Variants in CHD6 observed in about 807,000 individuals in gnomAD.
The protein encoded by CHD6 is ATP-dependent chromatin remodeler CHD6.
Under a neutral mutation model 276.9 loss-of-function variants are expected in CHD6, and 50 were observed. That is an observed-to-expected ratio of 0.18 (90% confidence interval 0.14 to 0.23). CHD6 has a LOEUF of 0.23. CHD6 is among the 10% of genes least tolerant of loss of function. CHD6 has a pLI of 1.00. For synonymous variants in CHD6, 1,173 were observed against 1,229.3 expected, an observed-to-expected ratio of 0.95 and a Z score of 0.96; for missense variants, 2,564 against 3,365.8, an observed-to-expected ratio of 0.76 and a Z score of 5.89.
intron 27 of CHD6, among the ~76,000 whole-genome samples, chr20:41,431,962 C>G (rs781590582): frequency 1.3e-5 from 2 of 151,752 alleles, no homozygotes; most frequent in Non-Finnish European, 2.9e-5. Context: ...AGTTCGAGAC[C>G]AGCCTGGCCA....
chr20:41,590,430 C>T (rs6102485), intron 1 of CHD6, among the ~76,000 whole-genome samples: 58,104 of 151,882 alleles, frequency 0.38, 13,810 homozygotes, highest in African/African-American at 0.65. Context: ...AACAGGCACC[C>T]ACAGAATGGG....
intron 3 of CHD6, among the ~76,000 whole-genome samples, chr20:41,520,332 A>C (rs983429375): frequency 1.3e-5 from 2 of 152,202 alleles, no homozygotes; most frequent in Non-Finnish European, 2.9e-5. Context: ...TATATATCCA[A>C]AGGATTATAA....
intron 1 of CHD6, among the ~76,000 whole-genome samples, chr20:41,605,277 G>C (rs1476211918): frequency 2.0e-5 from 3 of 152,176 alleles, no homozygotes; most frequent in Non-Finnish European, 4.4e-5. Flanking sequence ...TACTTTTCAA[G>C]ATAGAAAGGA....
chr20:41,502,721 T>C (rs1177219472), intron 5 of CHD6, among the ~76,000 whole-genome samples: 2 of 152,212 alleles, frequency 1.3e-5, no homozygotes, highest in African/African-American at 2.4e-5. Context: ...AATAACCATA[T>C]GTGGCTGGGC....
rs377588953 is a variant in CHD6, at chr20:41,481,112, GA to G, written c.2468+2196del. Among the ~76,000 whole-genome samples the G allele has an allele frequency of 3.9e-4, 58 of 147,602 alleles. 1 individual carries two copies. Among genetic ancestry groups the G allele is most frequent in the African/African-American group, 1.4e-3 (55 of 40,394 alleles). On this transcript the variant is annotated intron_variant, in intron 16 of 36. Coordinates refer to ENST00000373233, the MANE Select transcript of CHD6 (RefSeq NM_032221.5). ...AGAGCGAGACATTGTCTCAGAAAAAGAAAAAAAAATATATATATATATACAC... is the reference window on the plus strand; with the variant it reads ...AGAGCGAGACATTGTCTCAGAAAAAGAAAAAAAATATATATATATATACAC...
In CHD6 at chr20:41,440,007, G is replaced by C. The variant is rs1290710112; in HGVS notation, c.4000C>G (p.Pro1334Ala). The C allele has an allele frequency of 1.2e-6, 2 of 1,613,980 alleles. No individual in the cohort carries two copies. Among genetic ancestry groups the C allele is most frequent in the Non-Finnish European group, 1.7e-6 (2 of 1,179,928 alleles). The change falls in exon 26 of 37, where the codon CCT (proline) becomes GCT (alanine). Residue 1334 changes from proline (P) to alanine (A), a missense_variant. Physicochemically the swap from Pro to Ala is conservative, Grantham distance 27. Transcript: ENST00000373233. ...QGVTDGTSDIPERGNTDKEDN... is the reference protein window; with the variant it reads ...QGVTDGTSDIAERGNTDKEDN... The stretch of plus-strand genomic sequence containing the variant: ...GCCTACGTGGCTTCTCACCTTTCAG[G>C]AATGTCTGAGGTCCCATCTGTAACA...
In CHD6 at chr20:41,402,389, T is replaced by C. The variant is rs2046560128; in HGVS notation, c.*2204A>G. 3 of 229,274 alleles carry C rather than the reference T, an allele frequency of 1.3e-5. No homozygotes were observed. The highest frequency in any genetic ancestry group is 2.6e-5 in the Non-Finnish European group (3 of 115,716). 14.2% of individuals were successfully genotyped at this position (229,274 alleles called of 1,614,324 possible). On this transcript the variant is annotated 3_prime_UTR_variant, in exon 37 of 37. Transcript: ENST00000373233. ...AACACCCAGAGAGTTAACATACAGATTCCATAAGGATAACAAGGGATTGAG... is the reference window on the plus strand; with the variant it reads ...AACACCCAGAGAGTTAACATACAGACTCCATAAGGATAACAAGGGATTGAG...
chr20:41,566,047 G>A (rs1601148619), intron 1 of CHD6, among the ~76,000 whole-genome samples: 1 of 152,086 alleles, frequency 6.6e-6, no homozygotes, highest in East Asian at 1.9e-4. Context: ...TGACTCTGCT[G>A]ACATCCATGA....
intron 1 of CHD6, among the ~76,000 whole-genome samples, chr20:41,571,786 G>T (rs2045420242): frequency 6.6e-6 from 1 of 151,528 alleles, no homozygotes; most frequent in Non-Finnish European, 1.5e-5. Context: ...TTTTGAATCA[G>T]GTTACACCAT....
chr20:41,421,844 G>A lies in CHD6; in HGVS notation c.4791C>T (p.Asp1597=). 1 of 1,614,198 alleles carries A rather than the reference G, an allele frequency of 6.2e-7. No homozygotes were observed. Among genetic ancestry groups the A allele is most frequent in the Non-Finnish European group, 8.5e-7 (1 of 1,180,034 alleles). ...GCTGGGGGTCGTTCATGATGTAACA[G>A]TCAGTGCGGTTCAGCCCATGTTTGG... ...GTAKHGLNRT[D]CYIMNDPQLS... Residue 1597 remains aspartate, a synonymous_variant, in exon 31 of 37, where the codon GAC becomes GAT. Transcript: ENST00000373233.
intron 1 of CHD6, among the ~76,000 whole-genome samples, chr20:41,614,487 C>T (rs45578837): frequency 0.01 from 1,574 of 152,262 alleles, 14 homozygotes; most frequent in Non-Finnish European, 0.018. Flanking sequence ...ATCATATACA[C>T]CCCATTACAA....
intron 1 of CHD6, among the ~76,000 whole-genome samples, chr20:41,617,749 G>C (rs1208780847): frequency 6.6e-6 from 1 of 151,976 alleles, no homozygotes; most frequent in Admixed American, 6.5e-5. Flanking sequence ...GGCGGAGGGG[G>C]TGCGCGATCC....
chr20:41,597,963 G>A (rs1050622649), intron 1 of CHD6, among the ~76,000 whole-genome samples: 1 of 151,976 alleles, frequency 6.6e-6, no homozygotes, highest in Non-Finnish European at 1.5e-5. Context: ...CTGTTAACTG[G>A]GAATCCCGTC....
At chr20:41,417,699 T>G (rs755651961) in intron 31 of CHD6, among the ~76,000 whole-genome samples, 4 of 152,214 alleles carry the variant, frequency 2.6e-5, no homozygotes, top group Non-Finnish European at 5.9e-5. Flanking sequence ...AAGGGAAAGC[T>G]GAACATTCTA....
At position 41,405,254 on chromosome 20, in the gene CHD6, A is replaced by C; in HGVS notation, c.7487T>G (p.Val2496Gly). 6.2e-7 allele frequency: 1 copy of C among 1,614,148 alleles called. No individual in the cohort carries two copies. Among genetic ancestry groups the C allele is most frequent in the Non-Finnish European group, 8.5e-7 (1 of 1,180,026 alleles). The change falls in exon 37 of 37, where the codon GTG becomes GGG. Residue 2496 changes from valine (V) to glycine (G), a missense_variant. This residue lies in a region of CHD6 where 25 missense variants were observed against 50.8 expected (regional missense o/e 0.49). Coordinates refer to ENST00000373233, the MANE Select transcript of CHD6 (RefSeq NM_032221.5). Reference sequence around the variant, plus strand: ...CGTGGCAAAGCCAGCTGGAAACCCCACCAGCCCGGTGAGGGGGATGCCTGG... The same window carrying C: ...CGTGGCAAAGCCAGCTGGAAACCCCCCCAGCCCGGTGAGGGGGATGCCTGG... ...NMPGIPLTGL[V>G]GFPAGFATMP...
rs2046627192 is a variant in CHD6 at position 41,404,949 on chromosome 20, C to T, written c.7792G>A (p.Glu2598Lys). ...PGPGPFSDQS[E>K]PAITTSSPVA... ...GGACTACTAGTAGTTATTGCAGGTT[C>T]AGACTGATCAGAAAATGGACCTGGA... The change falls in exon 37 of 37, where the codon GAA (glutamate) becomes AAA (lysine). Residue 2598 changes from glutamate (E) to lysine (K), a missense_variant. Coordinates refer to ENST00000373233, the MANE Select transcript of CHD6 (RefSeq NM_032221.5). 1 of 1,614,096 alleles carries T rather than the reference C, an allele frequency of 6.2e-7. No individual in the cohort carries two copies. Among genetic ancestry groups the T allele is most frequent in the Non-Finnish European group, 8.5e-7 (1 of 1,180,046 alleles).
intron 1 of CHD6, among the ~76,000 whole-genome samples, chr20:41,597,418 C>T (rs1310979111): frequency 6.6e-6 from 1 of 152,204 alleles, no homozygotes; most frequent in East Asian, 1.9e-4. Context: ...GTCTTCTACC[C>T]TTTCCTTTCT....
chr20:41,555,450 C>A (rs9753720), intron 1 of CHD6, among the ~76,000 whole-genome samples: 1 of 142,686 alleles, frequency 7.0e-6, no homozygotes, highest in Non-Finnish European at 1.5e-5. Flanking sequence ...GGCTGCCGGG[C>A]GGAGACGCTC....
At chr20:41,499,068 T>TCA (rs2043767341) in intron 6 of CHD6, among the ~76,000 whole-genome samples, 1 of 152,024 alleles carries the variant, frequency 6.6e-6, no homozygotes, top group Admixed American at 6.6e-5. Flanking sequence ...TTTGCTAGGA[T>TCA]CACAATGGAG....
Sources: gnomAD v4.1 joint callset for allele counts (sites outside exome capture counted in the v4.1 genomes callset) on GRCh38, gnomAD v4.1.1 for gene constraint, gnomAD v4.1.1 regional missense constraint, MANE v1.5 for transcripts, NCBI Gene and HGNC (gene_info 2026-07-23, HGNC 2026-07-21) for gene names.